The following RGS12 variants were observed in gnomAD, a reference collection of about 807,000 sequenced individuals.
RGS12 encodes regulator of G-protein signaling 12.
RGS12 carries 66 observed loss-of-function variants against 120.1 expected under a neutral mutation model. The ratio of observed to expected loss-of-function variants is 0.55; its 90% confidence interval spans 0.45 to 0.67. RGS12 has a LOEUF of 0.67. Ranked by LOEUF, RGS12 falls within the 30% of genes least tolerant of loss-of-function variation. The pLI, the probability that RGS12 is intolerant of heterozygous loss-of-function variation, is 0.00. For synonymous variants in RGS12, 827 were observed against 804.7 expected (o/e 1.03, Z -0.47); for missense variants, 1,859 against 1,957.7 (o/e 0.95, Z 0.95).
chr4:3,300,558 C>T (rs1383649086), intron 1 of RGS12, among the ~76,000 whole-genome samples: 1 of 152,100 alleles, frequency 6.6e-6, no homozygotes, highest in Non-Finnish European at 1.5e-5. Context: ...CCAGTAGCAG[C>T]CCCCGGTCCC....
chr4:3,319,820 T>G (rs1484017150), intron 2 of RGS12, among the ~76,000 whole-genome samples: 1 of 152,184 alleles, frequency 6.6e-6, no homozygotes, highest in African/African-American at 2.4e-5. Context: ...ATCTGAGCCC[T>G]GGTCTGGATT....
In RGS12 at chr4:3,342,993, T is replaced by C; in HGVS notation, c.1938T>C (p.Ala646=). 1.2e-6 allele frequency: 2 copies of C among 1,613,906 alleles called. No individual in the cohort carries two copies. Among genetic ancestry groups the C allele is most frequent in the Non-Finnish European group, 1.7e-6 (2 of 1,179,974 alleles). ...GLTQPSQRTS[A]RRSFGRSKRF... The stretch of plus-strand genomic sequence containing the variant: ...CTCAGCCTTCTCAACGCACGTCTGC[T>C]CGGAGATCATTTGGGAGATCCAAGA... Residue 646 remains alanine (A), a synonymous_variant, in exon 3 of 18, where the codon GCT becomes GCC. Coordinates refer to ENST00000336727, the MANE Select transcript of RGS12 (RefSeq NM_001394154.1).
At chr4:3,345,695 C>T (rs963557388) in intron 3 of RGS12, among the ~76,000 whole-genome samples, 4 of 152,130 alleles carry the variant, frequency 2.6e-5, no homozygotes, top group East Asian at 3.8e-4. Flanking sequence ...TGGGCCAGCA[C>T]GATTCTGTTA....
intron 4 of RGS12, among the ~76,000 whole-genome samples, chr4:3,408,537 G>A (rs1468365794): frequency 6.6e-6 from 1 of 152,194 alleles, no homozygotes; most frequent in Non-Finnish European, 1.5e-5. Context: ...AGAATTCCGG[G>A]TGGACGTTTT....
chr4:3,413,270 T>C (rs1430643665), intron 4 of RGS12: 1 of 152,200 alleles, frequency 6.6e-6, no homozygotes, highest in African/African-American at 2.4e-5. Context: ...TCCCTTCTCT[T>C]TATTCGAGAG....
chr4:3,383,042 C>T (rs992575792), intron 3 of RGS12, among the ~76,000 whole-genome samples: 3 of 151,966 alleles, frequency 2.0e-5, no homozygotes, highest in Middle Eastern at 3.2e-3. Flanking sequence ...TCCTGAGGGC[C>T]CCTGTTGGGC....
chr4:3,396,093 T>C lies in RGS12; in HGVS notation c.2020+9656T>C, dbSNP rs145110522. Among the ~76,000 whole-genome samples, 549 of 152,258 alleles carry C rather than the reference T, an allele frequency of 3.6e-3. 3 individuals are homozygous for C. Among genetic ancestry groups the C allele is most frequent in the African/African-American group, 0.012 (516 of 41,538 alleles). ...TGTATTGTTATTTTTTTTCCATTAATTTTTTTTCCAAATATTTTCCCAAAT... is the reference window on the plus strand; with the variant it reads ...TGTATTGTTATTTTTTTTCCATTAACTTTTTTTCCAAATATTTTCCCAAAT... On this transcript the variant is annotated intron_variant, in intron 4 of 17. Transcript: ENST00000336727.
chr4:3,346,005 C>T (rs1713750399), intron 3 of RGS12, among the ~76,000 whole-genome samples: 1 of 152,118 alleles, frequency 6.6e-6, no homozygotes, highest in South Asian at 2.1e-4. Context: ...TGTCTTCCCG[C>T]CTCTGCTGAG....
intron 3 of RGS12, among the ~76,000 whole-genome samples, chr4:3,353,538 G>A (rs966104853): frequency 6.6e-6 from 1 of 152,174 alleles, no homozygotes; most frequent in East Asian, 1.9e-4. Flanking sequence ...TTCGAGGATG[G>A]TACCAGTCTG....
rs541636965 is a variant in RGS12 at position 3,316,308 on chromosome 4, C to T, written c.138C>T (p.Cys46=). The T allele has an allele frequency of 8.7e-6, 14 of 1,614,124 alleles. No individual in the cohort carries two copies. Among genetic ancestry groups the T allele is most frequent in the South Asian group, 5.5e-5 (5 of 91,084 alleles). Residue 46 remains cysteine, a synonymous_variant, in exon 2 of 18, where the codon TGC becomes TGT. Coordinates refer to ENST00000336727, the MANE Select transcript of RGS12 (RefSeq NM_001394154.1). Reference sequence around the variant, plus strand: ...GACAGGCACCCTGTGTGCTCAGCTGCGTCATGAGAGGGAGCCCTGCGGATT... The same window carrying T: ...GACAGGCACCCTGTGTGCTCAGCTGTGTCATGAGAGGGAGCCCTGCGGATT... The part of the protein sequence containing the change: ...LSGQAPCVLS[C]VMRGSPADFV...
chr4:3,428,953 T>G (rs879760812), intron 16 of RGS12, among the ~76,000 whole-genome samples: 2 of 152,230 alleles, frequency 1.3e-5, no homozygotes, highest in Non-Finnish European at 1.5e-5. Context: ...TGAGCAGCAC[T>G]GTCTGCCCTG....
intron 3 of RGS12, among the ~76,000 whole-genome samples, chr4:3,364,077 T>G (rs1213673965): frequency 6.6e-6 from 1 of 152,214 alleles, no homozygotes; most frequent in Non-Finnish European, 1.5e-5. Flanking sequence ...GAACTGTATT[T>G]TATTCATATT....
chr4:3,296,479 C>A (rs188646323), intron 1 of RGS12, among the ~76,000 whole-genome samples: 6 of 152,138 alleles, frequency 3.9e-5, no homozygotes, highest in African/African-American at 1.4e-4. Flanking sequence ...CACGAGCCAC[C>A]GCGCCTAGCT....
intron 3 of RGS12, among the ~76,000 whole-genome samples, chr4:3,343,681 C>T (rs888393281): frequency 6.6e-6 from 1 of 151,968 alleles, no homozygotes; most frequent in Non-Finnish European, 1.5e-5. Context: ...GACAAATGTC[C>T]GTGCCGTGCA....
chr4:3,324,884 A>C (rs1300963033), intron 2 of RGS12: 2 of 152,346 alleles, frequency 1.3e-5, no homozygotes, highest in East Asian at 3.9e-4. Context: ...TCTTAAATTG[A>C]GCAATTTTGT....
intron 3 of RGS12, among the ~76,000 whole-genome samples, chr4:3,380,020 G>A (rs150117466): frequency 8.5e-5 from 13 of 152,310 alleles, no homozygotes; most frequent in African/African-American, 2.9e-4. Context: ...CTGAGACAAG[G>A]CAAGTCCCTT....
chr4:3,289,304 G>A (rs143401648), upstream of RGS12, among the ~76,000 whole-genome samples: 47 of 152,104 alleles, frequency 3.1e-4, no homozygotes, highest in African/African-American at 1.0e-3. Context: ...TCAGGCTCAA[G>A]TGATCCTCCT....
intron 4 of RGS12, among the ~76,000 whole-genome samples, chr4:3,401,501 A>G (rs1396925788): frequency 6.6e-6 from 1 of 152,236 alleles, no homozygotes; most frequent in Non-Finnish European, 1.5e-5. Flanking sequence ...TCCCAGCTTT[A>G]TAGGAAAGTT....
At chr4:3,331,982 G>A (rs906773547) in intron 2 of RGS12, among the ~76,000 whole-genome samples, 9 of 152,214 alleles carry the variant, frequency 5.9e-5, no homozygotes, top group East Asian at 1.9e-4. Context: ...GAATGGTATC[G>A]CAGTGAGGAC....
Sources: allele counts gnomAD v4.1 joint callset (sites outside exome capture counted in the v4.1 genomes callset), GRCh38; gene constraint gnomAD v4.1.1; transcripts MANE v1.5; gene names NCBI Gene and HGNC (gene_info 2026-07-23, HGNC 2026-07-21).